The following SLC11A2 variants were observed in gnomAD, a reference collection of about 807,000 sequenced individuals.
SLC11A2 encodes natural resistance-associated macrophage protein 2.
In SLC11A2, 38 loss-of-function variants were observed where a neutral mutation model predicts 68.0. That is an observed-to-expected ratio of 0.56 (90% CI 0.43 to 0.73). The LOEUF (loss-of-function observed/expected upper bound fraction) is 0.73. Among genes scored for constraint, SLC11A2 ranks in the 30% least tolerant of loss-of-function variants. The probability of loss-of-function intolerance (pLI) is 0.00; values close to 1 mark genes in which losing one functional copy is unlikely to be tolerated. For synonymous variants in SLC11A2, 242 were observed against 250.6 expected, an observed-to-expected ratio of 0.97 and a Z score of 0.32; for missense variants, 517 against 690.5, an observed-to-expected ratio of 0.75 and a Z score of 2.82.
At chr12:51,027,924 G>T (rs1346258199), upstream of SLC11A2, among the ~76,000 whole-genome samples, 6 of 151,344 alleles carry the variant, frequency 4.0e-5, no homozygotes, top group African/African-American at 7.3e-5. Flanking sequence ...AAGTGGGGGG[G>T]GGGGGCTTGG....
intron 3 of SLC11A2, chr12:51,006,264 A>C (rs1942722799): frequency 6.3e-6 from 1 of 158,962 alleles, no homozygotes; most frequent in Non-Finnish European, 1.4e-5. Flanking sequence ...GCACCATTGC[A>C]CTCTAGCCTG....
chr12:51,025,445 C>A (rs550621067), intron 1 of SLC11A2, among the ~76,000 whole-genome samples: 1 of 152,202 alleles, frequency 6.6e-6, no homozygotes, highest in African/African-American at 2.4e-5. Context: ...AGAAATCATG[C>A]GAACTGGTGG....
Position 50,995,704 on chromosome 12 carries a change from A to T in SLC11A2, c.915T>A (p.Phe305Leu), listed in dbSNP as rs1301192036. Reference sequence around the variant, plus strand: ...CAAAGACATTGATGATGAAGGAAACAAAGAGTGCAATGCAGGATTCAATGA... The same window carrying T: ...CAAAGACATTGATGATGAAGGAAACTAAGAGTGCAATGCAGGATTCAATGA... ...YFFIESCIAL[F>L]VSFIINVFVV... is the part of the protein sequence containing the mutation. Residue 305 changes from phenylalanine to leucine, a missense_variant, in exon 10 of 16, where the codon TTT (phenylalanine) becomes TTA (leucine). Coordinates refer to ENST00000262052, the MANE Select transcript of SLC11A2 (RefSeq NM_000617.3). The T allele has an allele frequency of 6.2e-7, 1 of 1,614,022 alleles. No homozygotes were observed.
At chr12:51,009,415 A>C in intron 2 of SLC11A2, 1 of 633,360 alleles carries the variant, frequency 1.6e-6, no homozygotes, top group Non-Finnish European at 2.2e-6. Flanking sequence ...ACCCTGCCAG[A>C]AATACACAGA....
chr12:50,993,145 C>T (rs112473831), intron 11 of SLC11A2: 8 of 549,598 alleles, frequency 1.5e-5, no homozygotes, highest in African/African-American at 1.4e-4. Context: ...GTTTCTCTGC[C>T]TAGTCCTTTC....
chr12:50,975,680 C>CA (rs1939838806), downstream of SLC11A2, among the ~76,000 whole-genome samples: 2 of 151,918 alleles, frequency 1.3e-5, no homozygotes, highest in Non-Finnish European at 2.9e-5. Flanking sequence ...AAAAACCCTT[C>CA]AAAAAAATCA....
intron 3 of SLC11A2, 136 bp downstream of exon 3, chr12:51,008,338 TAG>T: frequency 7.5e-6 from 5 of 664,026 alleles, no homozygotes; most frequent in Non-Finnish European, 8.2e-6. Context: ...TATATATATA[TAG>T]ATATATAGAT....
intron 13 of SLC11A2, among the ~76,000 whole-genome samples, chr12:50,991,924 T>C (rs1941191945): frequency 6.6e-6 from 1 of 152,232 alleles, no homozygotes; most frequent in Non-Finnish European, 1.5e-5. Flanking sequence ...TATATGTTCA[T>C]TTAATGTTTG....
chr12:50,983,038 T>C (rs933268075), downstream of SLC11A2, among the ~76,000 whole-genome samples: 6 of 151,776 alleles, frequency 4.0e-5, no homozygotes, highest in Non-Finnish European at 5.9e-5. Context: ...ATTTTTTTTG[T>C]AGAGACAAGG....
chr12:50,968,123 G>GAGGAGGAGGAGT, the SLC11A2 span, among the ~76,000 whole-genome samples: 1 of 151,702 alleles, frequency 6.6e-6, no homozygotes, highest in Non-Finnish European at 1.5e-5. Context: ...GGAGGAGGAG[G>GAGGAGGAGGAGT]AGGAGAATGA....
At chr12:50,961,767 C>CA in the SLC11A2 span, among the ~76,000 whole-genome samples, 3 of 152,184 alleles carry the variant, frequency 2.0e-5, no homozygotes, top group African/African-American at 7.2e-5. Context: ...TCACAATACT[C>CA]TTAAGTCCCC....
At chr12:51,000,456 A>G in intron 5 of SLC11A2, 37 bp from the exon 6 acceptor site, 1 of 1,495,034 alleles carries the variant, frequency 6.7e-7, no homozygotes, top group Non-Finnish European at 9.3e-7. Flanking sequence ...GGTTCTGATT[A>G]ATCATTTCTA....
chr12:50,994,949 T>C (rs1207880981), intron 10 of SLC11A2: 1 of 356,140 alleles, frequency 2.8e-6, no homozygotes, highest in East Asian at 7.0e-5. Flanking sequence ...ACACCCAGAA[T>C]AGAATCCTCA....
At chr12:50,957,955 T>TGTA in the SLC11A2 span, among the ~76,000 whole-genome samples, 1 of 116,340 alleles carries the variant, frequency 8.6e-6, no homozygotes, top group Admixed American at 7.7e-5. Context: ...TGTGTGTGTG[T>TGTA]GTGTGTGTGT....
chr12:50,985,842 C>A, downstream of SLC11A2: 1 of 730,406 alleles, frequency 1.4e-6, no homozygotes, highest in African/African-American at 1.9e-5. Flanking sequence ...CCATTTATTT[C>A]TCTATCCTTT....
downstream of SLC11A2, among the ~76,000 whole-genome samples, chr12:50,976,841 T>C (rs1188704443): frequency 6.6e-6 from 1 of 152,170 alleles, no homozygotes; most frequent in Non-Finnish European, 1.5e-5. Context: ...AGCATTCTTA[T>C]ACACCAATAA....
the SLC11A2 span, among the ~76,000 whole-genome samples, chr12:50,961,700 T>C: frequency 1.3e-5 from 2 of 152,152 alleles, no homozygotes; most frequent in African/African-American, 2.4e-5. Flanking sequence ...TAACAAGAAG[T>C]CCATTTTAGG....
rs903612741 is a variant in SLC11A2, at chr12:50,987,287, T to C, written c.*1038A>G. ...GAGAACGCTGAGAAAGACAGTGTGCTTTGCAACGGTTAAGTCCACAGCTCC... is the reference window on the plus strand; with the variant it reads ...GAGAACGCTGAGAAAGACAGTGTGCCTTGCAACGGTTAAGTCCACAGCTCC... On this transcript the variant is annotated 3_prime_UTR_variant, in exon 16 of 16. Coordinates refer to ENST00000262052, the MANE Select transcript of SLC11A2 (RefSeq NM_000617.3). 6 of 1,287,070 alleles carry C rather than the reference T, an allele frequency of 4.7e-6. No homozygotes were observed. The African/African-American group carries it at 6.1e-5, about 13-fold the overall frequency. 79.7% of individuals were successfully genotyped at this position (1,287,070 alleles called of 1,614,324 possible).
chr12:50,972,996 G>C, the SLC11A2 span, among the ~76,000 whole-genome samples: 1 of 152,232 alleles, frequency 6.6e-6, no homozygotes, highest in African/African-American at 2.4e-5. Context: ...CGGCTGCAAA[G>C]CTCGAACTGG....
Sources: gnomAD v4.1 joint callset for allele counts (sites outside exome capture counted in the v4.1 genomes callset) on GRCh38, gnomAD v4.1.1 for gene constraint, MANE v1.5 for transcripts, NCBI Gene and HGNC (gene_info 2026-07-23, HGNC 2026-07-21) for gene names.